The following SIM1 variants were observed in gnomAD, a reference collection of about 807,000 sequenced individuals.
The protein encoded by SIM1 is single-minded homolog 1.
SIM1 carries 18 observed loss-of-function variants against 78.2 expected under a neutral mutation model. That is an observed-to-expected ratio of 0.23 (90% CI 0.16 to 0.34). The LOEUF (loss-of-function observed/expected upper bound fraction) is 0.34, where lower values mean the gene tolerates loss of function less well. SIM1 is among the 10% of genes least tolerant of loss of function. The pLI is 1.00. For missense variants in SIM1, 939 were observed against 975.1 expected (o/e 0.96, Z 0.49); for synonymous variants, 417 against 385.2 (o/e 1.08, Z -0.97).
In SIM1 at chr6:100,388,176, A is replaced by G. The variant is rs910541917; in HGVS notation, c.*2185T>C. 1 of 152,168 alleles carries G rather than the reference A, an allele frequency of 6.6e-6. No homozygotes were observed. The highest frequency in any genetic ancestry group is 2.4e-5 in the African/African-American group (1 of 41,458). The allele number at this position is 152,168 out of a possible 1,614,324, so 9.4% of individuals were successfully genotyped here. On this transcript the variant is annotated 3_prime_UTR_variant, in exon 12 of 12. Coordinates refer to ENST00000369208, the MANE Select transcript of SIM1 (RefSeq NM_005068.3). ...TAATTCAAAACTTAGTTTTTATTGT[A>G]TGGTCACCCCTTGGTATAAACAGGG...
chr6:100,391,082 T>G lies in SIM1; in HGVS notation c.1580A>C (p.His527Pro), dbSNP rs746859910. Reference protein sequence around the residue: ...ASVHRIHGRGHWDEDSVVSSP... With the variant: ...ASVHRIHGRGPWDEDSVVSSP... ...ACTGACCACACTATCTTCATCCCAA[T>G]GACCTCGCCCTAAAAATTAGAAAAA... The change falls in exon 12 of 12, where the codon CAT (histidine) becomes CCT (proline). Residue 527 changes from histidine to proline, a missense_variant. Around this residue, in one of 5 missense-constraint regions of SIM1, gnomAD observed 556 missense variants for 521.9 expected, o/e 1.07. Transcript: ENST00000369208. 3.2e-6 allele frequency: 5 copies of G among 1,578,468 alleles called. No individual in the cohort carries two copies. In the South Asian group the frequency reaches 5.9e-5, roughly 18 times the overall value.
At chr6:100,392,596 G>C (rs1054472307) in intron 11 of SIM1, among the ~76,000 whole-genome samples, 1 of 152,206 alleles carries the variant, frequency 6.6e-6, no homozygotes, top group African/African-American at 2.4e-5. Context: ...AATAGAAACA[G>C]ATTAAAATTA....
intron 9 of SIM1, among the ~76,000 whole-genome samples, chr6:100,434,052 AAG>A (rs1408003054): frequency 6.6e-6 from 1 of 152,220 alleles, no homozygotes; most frequent in Non-Finnish European, 1.5e-5. Context: ...GTCAACCAAG[AAG>A]AGACACAAAT....
chr6:100,415,304 A>G (rs1771370234), intron 10 of SIM1, among the ~76,000 whole-genome samples: 1 of 152,220 alleles, frequency 6.6e-6, no homozygotes, highest in East Asian at 1.9e-4. Context: ...AATTTCTAGC[A>G]GATAAAGTCT....
rs781416633 is a variant in SIM1, at chr6:100,448,626, G to C, written c.596C>G (p.Ser199Cys). The C allele has an allele frequency of 1.2e-5, 19 of 1,613,750 alleles. No homozygotes were observed. In the Middle Eastern group the frequency reaches 8.2e-4, roughly 70 times the overall value. ...GTTTTGGTAGCAGCCGTCGAAGGGG[G>C]ACATGTCCAGGCTGTACTGGCGGAT... ...LKIRQYSLDM[S>C]PFDGCYQNVG... Residue 199 changes from serine to cysteine, a missense_variant, in exon 7 of 12, where the codon TCC becomes TGC. By Grantham distance (112) the Ser-to-Cys change is moderately radical. Around this residue, in one of 5 missense-constraint regions of SIM1, gnomAD observed 187 missense variants for 191.6 expected, o/e 0.98. Transcript: ENST00000369208.
chr6:100,446,477 A>G (rs1312760965), intron 9 of SIM1, among the ~76,000 whole-genome samples: 1 of 152,214 alleles, frequency 6.6e-6, no homozygotes, highest in Non-Finnish European at 1.5e-5. Context: ...ACCCTAAGCA[A>G]TTCAACTTCC....
At chr6:100,407,538 A>G (rs1050853782) in intron 10 of SIM1, among the ~76,000 whole-genome samples, 2 of 152,118 alleles carry the variant, frequency 1.3e-5, no homozygotes, top group African/African-American at 2.4e-5. Context: ...ACCATTTTAC[A>G]TAATGGCTGT....
chr6:100,389,941 T>G lies in SIM1; in HGVS notation c.*420A>C. The G allele has an allele frequency of 2.6e-6, 1 of 391,484 alleles. No homozygotes were observed. The highest frequency in any genetic ancestry group is 3.6e-5 in the East Asian group (1 of 27,534). 24.3% of individuals were successfully genotyped at this position (391,484 alleles called of 1,614,324 possible). The stretch of plus-strand genomic sequence containing the variant: ...CAAAGAAAATTACCCATTTTTGATG[T>G]ATTTACATTACATAGCCTATATTTC... On this transcript the variant is annotated 3_prime_UTR_variant, in exon 12 of 12. Coordinates refer to ENST00000369208, the MANE Select transcript of SIM1 (RefSeq NM_005068.3).
intron 9 of SIM1, among the ~76,000 whole-genome samples, chr6:100,436,147 T>TA (rs1461625793): frequency 6.6e-6 from 1 of 152,172 alleles, no homozygotes; most frequent in African/African-American, 2.4e-5. Flanking sequence ...CCAAGGTGCT[T>TA]TAGGCCCTCT....
intron 9 of SIM1, among the ~76,000 whole-genome samples, chr6:100,434,836 G>A (rs979985506): frequency 5.9e-5 from 9 of 152,120 alleles, no homozygotes; most frequent in African/African-American, 2.2e-4. Flanking sequence ...GCCCATATTA[G>A]CACGCTTTAC....
chr6:100,394,116 A>G, intron 10 of SIM1: 1 of 449,982 alleles, frequency 2.2e-6, no homozygotes, highest in Non-Finnish European at 3.9e-6. Flanking sequence ...GGTTGATGAA[A>G]GCAGGAGATA....
At position 100,442,775 on chromosome 6, in the gene SIM1, A is replaced by G. The variant is rs554437256; in HGVS notation, c.998+4493T>C. Among the ~76,000 whole-genome samples, 7 of 152,216 alleles carry G rather than the reference A, an allele frequency of 4.6e-5. No homozygotes were observed. In the East Asian group the frequency reaches 1.3e-3, roughly 29 times the overall value. On this transcript the variant is annotated intron_variant, in intron 9 of 11. Transcript: ENST00000369208. Reference sequence around the variant, plus strand: ...AAAAACTCCTAGTAATAATAATAATATATCACTGGTCTTTAAATAAGTAAT... The same window carrying G: ...AAAAACTCCTAGTAATAATAATAATGTATCACTGGTCTTTAAATAAGTAAT...
In SIM1 at chr6:100,412,408, G is replaced by C. The variant is rs560492528; in HGVS notation, c.1167+8382C>G. Among the ~76,000 whole-genome samples the C allele has an allele frequency of 4.6e-5, 7 of 151,300 alleles. No individual in the cohort carries two copies. The South Asian group carries it at 1.5e-3, about 32-fold the overall frequency. On this transcript the variant is annotated intron_variant, in intron 10 of 11. Transcript: ENST00000369208. ...AAAAATTAGCCAGCCGTGGTGGTGG[G>C]CGCCTGTAATCCCAGATACTAGGGA...
At chr6:100,430,123 T>G (rs1771863367) in intron 9 of SIM1, among the ~76,000 whole-genome samples, 2 of 152,216 alleles carry the variant, frequency 1.3e-5, no homozygotes, top group Non-Finnish European at 2.9e-5. Flanking sequence ...CAATTTAGTG[T>G]CATGTGGCTT....
Position 100,393,699 on chromosome 6 carries a change from T to G in SIM1, c.1358A>C (p.His453Pro). Residue 453 changes from histidine to proline, a missense_variant, in exon 11 of 12, where the codon CAC becomes CCC. By Grantham distance (77) the His-to-Pro change is moderately conservative. Around this residue, in one of 5 missense-constraint regions of SIM1, gnomAD observed 556 missense variants for 521.9 expected, o/e 1.07. Transcript: ENST00000369208. ...ATGCCTCTCTTCCACCAGCCTCGAG[T>G]GGTCAAGCGCAAAGCCATAGCAGAG... is the stretch of plus-strand genomic sequence containing the variant. Reference protein sequence around the residue: ...SSLCYGFALDHSRLVEERHFH... With the variant: ...SSLCYGFALDPSRLVEERHFH... 1 of 1,613,914 alleles carries G rather than the reference T, an allele frequency of 6.2e-7. No individual in the cohort carries two copies. Among genetic ancestry groups the G allele is most frequent in the Non-Finnish European group, 8.5e-7 (1 of 1,179,886 alleles).
intron 9 of SIM1, among the ~76,000 whole-genome samples, chr6:100,425,236 C>T (rs1290774673): frequency 1.3e-5 from 2 of 152,192 alleles, no homozygotes; most frequent in Non-Finnish European, 2.9e-5. Flanking sequence ...ACATGTGGGA[C>T]TGTAAGTCCA....
intron 2 of SIM1, 40 bp from the exon 3 acceptor site, chr6:100,453,884 G>C (rs776158869): frequency 1.3e-6 from 2 of 1,512,060 alleles, no homozygotes; most frequent in South Asian, 2.4e-5. Context: ...ACTGAACCCG[G>C]ACCTGACAGG....
chr6:100,396,154 C>A (rs532702289), intron 10 of SIM1: 2 of 799,268 alleles, frequency 2.5e-6, no homozygotes, highest in Non-Finnish European at 3.0e-6. Context: ...GCAGGGCTGG[C>A]GCTTCCTCAC....
At chr6:100,451,949 T>C (rs1385416533) in intron 3 of SIM1, among the ~76,000 whole-genome samples, 2 of 152,040 alleles carry the variant, frequency 1.3e-5, no homozygotes, top group African/African-American at 4.8e-5. Flanking sequence ...GAGAAACCAG[T>C]TGGTTTCATG....
Sources: gnomAD v4.1 joint callset for allele counts (sites outside exome capture counted in the v4.1 genomes callset) on GRCh38, gnomAD v4.1.1 for gene constraint, gnomAD v4.1.1 regional missense constraint, MANE v1.5 for transcripts, NCBI Gene and HGNC (gene_info 2026-07-23, HGNC 2026-07-21) for gene names.